The following POLE variants were observed in gnomAD, a reference collection of about 807,000 sequenced individuals.
POLE encodes DNA polymerase epsilon catalytic subunit A.
POLE carries 188 observed loss-of-function variants against 279.2 expected under a neutral mutation model. The ratio of observed to expected loss-of-function variants is 0.67; its 90% CI spans 0.60 to 0.76. The LOEUF (loss-of-function observed/expected upper bound fraction) is 0.76. POLE is among the 30% of genes least tolerant of loss of function. The probability of loss-of-function intolerance (pLI) is 0.00; values close to 1 mark genes in which losing one functional copy is unlikely to be tolerated. For missense variants in POLE, 2,703 were observed against 3,016.7 expected (o/e 0.90, Z 2.44); for synonymous variants, 1,214 against 1,172.5 (o/e 1.04, Z -0.72).
In POLE at chr12:132,668,468, C is replaced by T. The variant is rs1400021883; in HGVS notation, c.2061G>A (p.Gln687=). The part of the protein sequence containing the change: ...PASRSEYHRI[Q]HQLESEKFPP... ...GGAACTTCTCTGACTCCAGCTGGTG[C>T]TGGATCCGATGGTATTCGCTGCGAC... The change falls in exon 19 of 49, where the codon CAG becomes CAA. Residue 687 remains glutamine (Q), a synonymous_variant. Transcript: ENST00000320574. This position sits in a 1 kb window ranked among gnomAD's most constrained non-coding sequence, Gnocchi z 4.0. 5.6e-6 allele frequency: 9 copies of T among 1,608,786 alleles called. No individual in the cohort carries two copies. The highest frequency in any genetic ancestry group is 7.6e-6 in the Non-Finnish European group (9 of 1,177,516).
At position 132,635,827 on chromosome 12, in the gene POLE, C is replaced by G. The variant is rs577268815; in HGVS notation, c.5811+65G>C. ...GCCCGCCGGGGCCCTGAGCACTCAG[C>G]ACTTGCTGCAGGAATGAACGCGACC... On this transcript the variant is annotated intron_variant, in intron 42 of 48. Transcript: ENST00000320574. 6 of 1,550,234 alleles carry G rather than the reference C, an allele frequency of 3.9e-6. No homozygotes were observed. In the African/African-American group the frequency reaches 8.2e-5, roughly 21 times the overall value.
chr12:132,636,046 C>T lies in POLE; in HGVS notation c.5679-22G>A, dbSNP rs372805732. 226 of 1,603,908 alleles carry T rather than the reference C, an allele frequency of 1.4e-4. 1 individual carries two copies. The highest frequency in any genetic ancestry group is 1.8e-4 in the Non-Finnish European group (208 of 1,175,068). ...GATGCTGCAGAGGAAGCATTGAAGA[C>T]GCTGCTTCAGTGAAATCGACCTTGT... On this transcript the variant is annotated intron_variant, in intron 41 of 48. Transcript: ENST00000320574.
intron 39 of POLE, among the ~76,000 whole-genome samples, chr12:132,640,436 A>AC (rs1384719558): frequency 6.6e-6 from 1 of 152,244 alleles, no homozygotes. Flanking sequence ...GTACCTAGAC[A>AC]CAGGTCACAC....
chr12:132,625,954 CA>C (rs1210111148), intron 46 of POLE, 162 bp downstream of exon 46: 1 of 1,102,222 alleles, frequency 9.1e-7, no homozygotes, highest in East Asian at 2.6e-5. Context: ...ACATTCCGAA[CA>C]TGGTGTGGGG....
chr12:132,636,092 C>A (rs2138488435), intron 41 of POLE, 68 bp from the exon 42 acceptor site: 1 of 1,531,714 alleles, frequency 6.5e-7, no homozygotes, highest in South Asian at 1.2e-5. Context: ...CCTTTATTTC[C>A]CCTTGTATCT....
intron 26 of POLE, 38 bp from the exon 27 acceptor site, chr12:132,658,008 G>T: frequency 7.8e-7 from 1 of 1,273,906 alleles, no homozygotes; most frequent in Non-Finnish European, 1.1e-6. Flanking sequence ...CAGTAACAGT[G>T]AAAATCACCC....
Position 132,676,118 on chromosome 12 carries a change from A to G in POLE, c.996T>C (p.Phe332=), listed in dbSNP as rs779159186. ...CCTCATCGGGTTCATTGAAGACACA[A>G]AAGGGGCCTTCATATTCTGGCTTGG... ...FTPKPEYEGP[F]CVFNEPDEAH... is the part of the protein sequence containing the mutation. Residue 332 remains phenylalanine (F), a synonymous_variant, in exon 10 of 49, where the codon TTT becomes TTC. Transcript: ENST00000320574. The G allele has an allele frequency of 4.3e-5, 69 of 1,609,880 alleles. No individual in the cohort carries two copies. The highest frequency in any genetic ancestry group is 5.5e-5 in the Non-Finnish European group (65 of 1,177,706).
rs2043038432 is a variant in POLE, at chr12:132,675,826, CCCAAGTCACAGCAGTCAGAG to C, written c.1021-26_1021-7del. 6.2e-7 allele frequency: 1 copy of C among 1,610,968 alleles called. No homozygotes were observed. Among genetic ancestry groups the C allele is most frequent in the Non-Finnish European group, 8.5e-7 (1 of 1,177,206 alleles). On this transcript the variant is annotated splice_polypyrimidine_tract_variant and splice_region_variant and intron_variant, in intron 10 of 48. Transcript: ENST00000320574. This position sits in a 1 kb window ranked among gnomAD's most constrained non-coding sequence, Gnocchi z 4.3. ...CACCTTTGGATCAGATGAGCCTGAA[CCCAAGTCACAGCAGTCAGAG>C]GTCTGCTCTTTCTCTTCTTCAAGCT...
chr12:132,680,502 A>G, intron 3 of POLE, 105 bp downstream of exon 3: 1 of 881,310 alleles, frequency 1.1e-6, no homozygotes, highest in Non-Finnish European at 1.9e-6. Context: ...CTGCTGGGCT[A>G]TGGGCTGCTG....
chr12:132,630,087 C>T (rs933183888), intron 45 of POLE, among the ~76,000 whole-genome samples: 7 of 152,172 alleles, frequency 4.6e-5, no homozygotes, highest in South Asian at 2.1e-4. Flanking sequence ...GTCTTCTATG[C>T]GCACGGTTCA....
chr12:132,659,379 AG>A lies in POLE; in HGVS notation c.3190del (p.Leu1064TrpfsTer11), dbSNP rs1391324814. On this transcript the variant is annotated frameshift_variant, in exon 26 of 49. Coordinates refer to ENST00000320574, the MANE Select transcript of POLE (RefSeq NM_006231.4). LOFTEE classifies it high-confidence loss of function. ...ISTAKRLAEF[L>X]GDQMVKDAGL... is the part of the protein sequence containing the mutation. ...TGCATCCTTGACCATCTGGTCTCCCAGGAACTCGGCCAGGCGCTTTGCTGTG... is the reference window on the plus strand; with the variant it reads ...TGCATCCTTGACCATCTGGTCTCCCAGAACTCGGCCAGGCGCTTTGCTGTG... 2 of 1,614,250 alleles carry A rather than the reference AG, an allele frequency of 1.2e-6. No individual in the cohort carries two copies. Among genetic ancestry groups the A allele is most frequent in the South Asian group, 2.2e-5 (2 of 91,092 alleles).
At chr12:132,687,016 G>A (rs1225748767) in intron 1 of POLE, among the ~76,000 whole-genome samples, 3 of 151,574 alleles carry the variant, frequency 2.0e-5, no homozygotes, top group Admixed American at 2.0e-4. Context: ...AGCCGAGCAG[G>A]GAAAGGCCGC....
intron 8 of POLE, 126 bp downstream of exon 8, chr12:132,677,237 T>C (rs2043074602): frequency 1.4e-6 from 1 of 736,540 alleles, no homozygotes; most frequent in Non-Finnish European, 2.4e-6. Context: ...CATATTTCCT[T>C]TAATAAAGTA....
intron 1 of POLE, among the ~76,000 whole-genome samples, chr12:132,682,809 C>T (rs1023615853): frequency 1.1e-4 from 16 of 150,998 alleles, no homozygotes; most frequent in African/African-American, 3.9e-4. Flanking sequence ...AAAAATTAGC[C>T]GGGCGTGGTG....
intron 45 of POLE, among the ~76,000 whole-genome samples, chr12:132,626,668 G>A (rs533493858): frequency 6.6e-6 from 1 of 152,116 alleles, no homozygotes; most frequent in South Asian, 2.1e-4. Context: ...AACAGCCTGA[G>A]CACAGACACA....
rs187400725 is a variant in POLE, at chr12:132,630,488, G to A, written c.6330+1827C>T. On this transcript the variant is annotated intron_variant, in intron 45 of 48. Coordinates refer to ENST00000320574, the MANE Select transcript of POLE (RefSeq NM_006231.4). ...CCCACAGCCAGGCGTGGTGGCTCACGCCTGTAATCCCAGCACTTTGGGAGG... is the reference window on the plus strand; with the variant it reads ...CCCACAGCCAGGCGTGGTGGCTCACACCTGTAATCCCAGCACTTTGGGAGG... Among the ~76,000 whole-genome samples the A allele has an allele frequency of 3.3e-5, 5 of 152,226 alleles. No individual in the cohort carries two copies. The East Asian group carries it at 5.8e-4, about 18-fold the overall frequency.
intron 13 of POLE, 88 bp from the exon 14 acceptor site, chr12:132,673,365 C>G: frequency 1.7e-6 from 2 of 1,181,222 alleles, no homozygotes; most frequent in South Asian, 1.2e-5. Context: ...CCTGGCCTGA[C>G]CAGCCTGCCG....
Position 132,639,028 on chromosome 12 carries a change from C to G in POLE, c.5552+97G>C. ...ACAAACTCAGAAATACACTACTTAT[C>G]CCAGAGGCACTGGCTGGCCATGTCT... On this transcript the variant is annotated intron_variant, in intron 40 of 48. Transcript: ENST00000320574. This position sits in a 1 kb window ranked among gnomAD's most constrained non-coding sequence, Gnocchi z 4.7. 1 of 1,017,178 alleles carries G rather than the reference C, an allele frequency of 9.8e-7. No individual in the cohort carries two copies. Among genetic ancestry groups the G allele is most frequent in the Non-Finnish European group, 1.5e-6 (1 of 657,356 alleles). The allele number at this position is 1,017,178 out of a possible 1,614,324, so 63.0% of individuals were successfully genotyped here.
At position 132,657,172 on chromosome 12, in the gene POLE, C is replaced by A; in HGVS notation, c.3546G>T (p.Lys1182Asn). Residue 1182 changes from lysine (K) to asparagine (N), a missense_variant, in exon 29 of 49, where the codon AAG becomes AAT. Around this residue, in one of 5 missense-constraint regions of POLE, gnomAD observed 1,551 missense variants for 1,686.1 expected, o/e 0.92. Transcript: ENST00000320574. ...CCTCCAGGGTGAAGAGCTCACTGAT[C>A]TTCTTCTGCTTGTAGACATCATTCT... ...LEKNDVYKQK[K>N]ISELFTLEGR... 6.2e-7 allele frequency: 1 copy of A among 1,613,992 alleles called. No individual in the cohort carries two copies. The highest frequency in any genetic ancestry group is 8.5e-7 in the Non-Finnish European group (1 of 1,179,978).
Sources: gnomAD v4.1 joint callset for allele counts (sites outside exome capture counted in the v4.1 genomes callset) on GRCh38, gnomAD v4.1.1 for gene constraint, gnomAD v4.1.1 regional missense constraint, Gnocchi (gnomAD v3.1) non-coding constraint, MANE v1.5 for transcripts, NCBI Gene and HGNC (gene_info 2026-07-23, HGNC 2026-07-21) for gene names.